Variants in DLC1 observed in about 807,000 individuals in gnomAD.
DLC1 encodes rho GTPase-activating protein 7.
Under a neutral mutation model 140.3 loss-of-function variants are expected in DLC1, and 54 were observed. That is an observed-to-expected ratio of 0.38 (90% CI 0.31 to 0.48). The LOEUF (loss-of-function observed/expected upper bound fraction) is 0.48. Among genes scored for constraint, DLC1 ranks in the 20% least tolerant of loss-of-function variants. The probability of loss-of-function intolerance (pLI) is 0.96; values close to 1 mark genes in which losing one functional copy is unlikely to be tolerated. For missense variants in DLC1, 2,536 were observed against 1,907.0 expected, an observed-to-expected ratio of 1.33 and a Z score of -6.14; for synonymous variants, 986 against 728.1, an observed-to-expected ratio of 1.35 and a Z score of -5.70.
At chr8:13,379,684 C>A (rs1836165809) in intron 4 of DLC1, among the ~76,000 whole-genome samples, 1 of 152,104 alleles carries the variant, frequency 6.6e-6, no homozygotes, top group Admixed American at 6.5e-5. Context: ...ATGTGCAGAA[C>A]TTGCAGGTTT....
intron 4 of DLC1, among the ~76,000 whole-genome samples, chr8:13,311,037 G>C (rs1233352153): frequency 6.6e-6 from 1 of 152,058 alleles, no homozygotes; most frequent in Non-Finnish European, 1.5e-5. Flanking sequence ...TTATGGGTTT[G>C]ATTTGTGGGT....
chr8:13,201,921 G>GTTTTTT (rs35475930), intron 5 of DLC1, among the ~76,000 whole-genome samples: 10 of 101,778 alleles, frequency 9.8e-5, no homozygotes, highest in Non-Finnish European at 1.6e-4. Flanking sequence ...TACCCAAAAG[G>GTTTTTT]TTTTTTTTTT....
At chr8:13,563,763 A>G (rs906238046) in intron 1 of DLC1, among the ~76,000 whole-genome samples, 2 of 152,212 alleles carry the variant, frequency 1.3e-5, no homozygotes, top group African/African-American at 4.8e-5. Flanking sequence ...TAGCTAAAGG[A>G]ATAATTTTTC....
At chr8:13,299,859 G>T (rs531852457) in intron 5 of DLC1, among the ~76,000 whole-genome samples, 7 of 152,200 alleles carry the variant, frequency 4.6e-5, no homozygotes, top group African/African-American at 1.7e-4. Flanking sequence ...CCCAGAAGCT[G>T]GAGAAGACAC....
chr8:13,115,501 C>G (rs1585668639), intron 6 of DLC1, 85 bp downstream of exon 6: 1 of 1,236,044 alleles, frequency 8.1e-7, no homozygotes, highest in South Asian at 1.5e-5. Context: ...GATAAAACTG[C>G]TGAAAATAAG....
intron 2 of DLC1, among the ~76,000 whole-genome samples, chr8:13,431,156 G>A (rs926002182): frequency 2.0e-5 from 3 of 152,096 alleles, no homozygotes; most frequent in Admixed American, 6.5e-5. Flanking sequence ...TAACTGAGAA[G>A]TCCAAGAGGA....
At chr8:13,563,372 T>TAA (rs1289717727) in intron 1 of DLC1, among the ~76,000 whole-genome samples, 2 of 152,150 alleles carry the variant, frequency 1.3e-5, no homozygotes. Context: ...GTAAGAGATA[T>TAA]AAAACAAAGT....
At position 13,209,313 on chromosome 8, in the gene DLC1, A is replaced by G. The variant is rs190922958; in HGVS notation, c.1349-93656T>C. On this transcript the variant is annotated intron_variant, in intron 5 of 17. Transcript: ENST00000276297. The stretch of plus-strand genomic sequence containing the variant: ...AGTCCATGCAATCTTAATTTCCAGT[A>G]TTGCATATAATTTTCACTATATAAA... 7.9e-5 allele frequency among the ~76,000 whole-genome samples: 12 copies of G among 152,270 alleles called. 1 individual carries two copies. The highest frequency in any genetic ancestry group is 5.9e-4 in the Admixed American group (9 of 15,272).
intron 5 of DLC1, among the ~76,000 whole-genome samples, chr8:13,130,963 C>T (rs959695416): frequency 3.3e-5 from 5 of 152,216 alleles, no homozygotes; most frequent in African/African-American, 9.6e-5. Flanking sequence ...GCTCAGGCCA[C>T]GCTGTAAATC....
chr8:13,270,250 ACATATCTAGGTATTGTAATTAC>A (rs1830875984), intron 5 of DLC1, among the ~76,000 whole-genome samples: 1 of 152,160 alleles, frequency 6.6e-6, no homozygotes, highest in East Asian at 1.9e-4. Flanking sequence ...TCGATTTTGG[ACATATCTAGGTATTGTAATTAC>A]AGTGGCCTTT....
At chr8:13,321,606 A>G (rs967291959) in intron 4 of DLC1, among the ~76,000 whole-genome samples, 18 of 150,234 alleles carry the variant, frequency 1.2e-4, no homozygotes, top group African/African-American at 4.4e-4. Context: ...GGTAAAGAGA[A>G]TGTCCCCAAT....
intron 5 of DLC1, among the ~76,000 whole-genome samples, chr8:13,127,784 G>C (rs1238970037): frequency 6.6e-6 from 1 of 152,180 alleles, no homozygotes; most frequent in African/African-American, 2.4e-5. Context: ...GAGAAGGAAG[G>C]CGCCTTTCTG....
Position 13,436,933 on chromosome 8 carries a change from G to A in DLC1, c.1024-35314C>T, listed in dbSNP as rs72603967. 1.9e-4 allele frequency among the ~76,000 whole-genome samples: 29 copies of A among 151,878 alleles called. No homozygotes were observed. The East Asian group carries it at 2.7e-3, about 14-fold the overall frequency. The stretch of plus-strand genomic sequence containing the variant: ...TGGGACTCCATCAATCTTATTTTTC[G>A]TTTCTAAGAGGAATGGGAAAAAATG... On this transcript the variant is annotated intron_variant, in intron 2 of 17. Coordinates refer to ENST00000276297, the MANE Select transcript of DLC1 (RefSeq NM_182643.3).
intron 2 of DLC1, among the ~76,000 whole-genome samples, chr8:13,443,382 A>G (rs289630): frequency 0.48 from 70,794 of 148,572 alleles, 17,140 homozygotes; most frequent in African/African-American, 0.52. Context: ...AAATGAGGCC[A>G]GGCATGGTGG....
intron 5 of DLC1, among the ~76,000 whole-genome samples, chr8:13,234,962 A>T (rs1449407644): frequency 6.6e-6 from 1 of 152,138 alleles, no homozygotes; most frequent in East Asian, 1.9e-4. Flanking sequence ...TATGGAGAGC[A>T]AAGACTGATT....
chr8:13,281,042 G>A (rs1831349335), intron 5 of DLC1, among the ~76,000 whole-genome samples: 1 of 152,170 alleles, frequency 6.6e-6, no homozygotes, highest in Non-Finnish European at 1.5e-5. Flanking sequence ...CCATGACAAG[G>A]AGTATTCGTA....
intron 1 of DLC1, among the ~76,000 whole-genome samples, chr8:13,505,110 G>A (rs562696986): frequency 1.4e-4 from 22 of 152,176 alleles, no homozygotes; most frequent in Admixed American, 7.2e-4. Flanking sequence ...TCAACCACAG[G>A]AAAAATAGTT....
chr8:13,429,267 C>G (rs981759470), intron 2 of DLC1, among the ~76,000 whole-genome samples: 3 of 152,144 alleles, frequency 2.0e-5, no homozygotes, highest in Non-Finnish European at 2.9e-5. Flanking sequence ...TATCAAATCC[C>G]TTAGATGATT....
chr8:13,287,756 A>G (rs1434845812), intron 5 of DLC1, among the ~76,000 whole-genome samples: 2 of 152,230 alleles, frequency 1.3e-5, no homozygotes, highest in Non-Finnish European at 2.9e-5. Context: ...CGATGATGCA[A>G]GAATGTCGAA....
Sources: gnomAD v4.1 joint callset for allele counts (sites outside exome capture counted in the v4.1 genomes callset) on GRCh38, gnomAD v4.1.1 for gene constraint, MANE v1.5 for transcripts, NCBI Gene and HGNC (gene_info 2026-07-23, HGNC 2026-07-21) for gene names.